LAMB3: variants seen among roughly 807,000 people sequenced by gnomAD.
LAMB3 encodes laminin subunit beta 3, also known as laminin subunit beta-3.
Under a neutral mutation model 140.3 loss-of-function variants are expected in LAMB3, and 104 were observed. That is an observed-to-expected ratio of 0.74 (90% CI 0.63 to 0.87). The LOEUF (loss-of-function observed/expected upper bound fraction) is 0.87. Among genes scored for constraint, LAMB3 ranks in the 40% least tolerant of loss-of-function variants. The probability of loss-of-function intolerance (pLI) is 0.00; values close to 1 mark genes in which losing one functional copy is unlikely to be tolerated. For missense variants in LAMB3, 1,531 were observed against 1,575.2 expected (o/e 0.97, Z 0.47); for synonymous variants, 592 against 602.9 (o/e 0.98, Z 0.26).
Position 209,637,943 on chromosome 1 carries a change from T to C in LAMB3, c.337A>G (p.Arg113Gly), listed in dbSNP as rs371231587. The change falls in exon 5 of 23, where the codon AGA becomes GGA. Residue 113 changes from arginine (R) to glycine (G), a missense_variant. Arg to Gly is a moderately radical substitution (Grantham distance 125). Coordinates refer to ENST00000356082, the MANE Select transcript of LAMB3 (RefSeq NM_000228.3). ...PVSLQLDLDR[R>G]FQLQEVMMEF... ...ATCATGACTTCTTGAAGCTGGAATC[T>C]CCTGTCCAGGTCCAGCTGCAGAGAG... is the stretch of plus-strand genomic sequence containing the variant. The C allele has an allele frequency of 6.2e-7, 1 of 1,613,416 alleles. No homozygotes were observed. The highest frequency in any genetic ancestry group is 1.1e-5 in the South Asian group (1 of 90,916).
Position 209,629,784 on chromosome 1 carries a change from T to C in LAMB3, c.1085A>G (p.Tyr362Cys), listed in dbSNP as rs765669683. The change falls in exon 10 of 23, where the codon TAT (tyrosine) becomes TGT (cysteine). Residue 362 changes from tyrosine (Y) to cysteine (C), a missense_variant. By Grantham distance (194) the Tyr-to-Cys change is radical (BLOSUM62 -2). Coordinates refer to ENST00000356082, the MANE Select transcript of LAMB3 (RefSeq NM_000228.3). ...GKNCERCQLH[Y>C]FRNRRPGASI... ...AGCTCCCGGGCGCCGGTTCCGGAAA[T>C]AGTGCAGCTGACACCGCTCACAGTT... 6.2e-7 allele frequency: 1 copy of C among 1,613,948 alleles called. No individual in the cohort carries two copies.
chr1:209,630,691 A>G lies in LAMB3; in HGVS notation c.867T>C (p.Asn289=), dbSNP rs115579649. Residue 289 remains asparagine (N), a synonymous_variant, in exon 9 of 23, where the codon AAT becomes AAC. Transcript: ENST00000356082. ...TGTAGAAGGGTGCACAGCGCTCACA[A>G]TTTGGGCCGGCAGTGTTGTGCTGGC... is the stretch of plus-strand genomic sequence containing the variant. The part of the protein sequence containing the change: ...CVCQHNTAGP[N]CERCAPFYNN... The G allele has an allele frequency of 4.3e-4, 696 of 1,613,902 alleles. 1 individual carries two copies. The African/African-American group carries it at 8.7e-3, about 20-fold the overall frequency.
At chr1:209,644,965 A>G (rs1302019214) in intron 3 of LAMB3, among the ~76,000 whole-genome samples, 3 of 152,234 alleles carry the variant, frequency 2.0e-5, no homozygotes, top group Non-Finnish European at 4.4e-5. Context: ...CCCAGAAGCA[A>G]TGGAGTGAGA....
At position 209,623,192 on chromosome 1, in the gene LAMB3, GGC is replaced by G. The variant is rs1218357065; in HGVS notation, c.2359-15_2359-14del. 2 of 1,614,016 alleles carry G rather than the reference GGC, an allele frequency of 1.2e-6. No individual in the cohort carries two copies. Among genetic ancestry groups the G allele is most frequent in the South Asian group, 1.1e-5 (1 of 91,068 alleles). Reference sequence around the variant, plus strand: ...AGTTGCCACAGAGCTGTGGACAGATGGCGGTGTTAAAGAGGCTACCCAAAGCC... The same window carrying G: ...AGTTGCCACAGAGCTGTGGACAGATGGGTGTTAAAGAGGCTACCCAAAGCC... On this transcript the variant is annotated splice_polypyrimidine_tract_variant and intron_variant, in intron 16 of 22. Coordinates refer to ENST00000356082, the MANE Select transcript of LAMB3 (RefSeq NM_000228.3). The surrounding 1 kb of genome is among the most constrained non-coding windows in gnomAD (Gnocchi z 4.2).
intron 22 of LAMB3, among the ~76,000 whole-genome samples, chr1:209,615,683 T>C (rs1314685799): frequency 6.6e-6 from 1 of 152,208 alleles, no homozygotes; most frequent in Admixed American, 6.5e-5. Flanking sequence ...TGTCCAAGGC[T>C]AATGAAGGAG....
chr1:209,639,909 T>C (rs1205187231), intron 3 of LAMB3, among the ~76,000 whole-genome samples: 1 of 152,196 alleles, frequency 6.6e-6, no homozygotes, highest in African/African-American at 2.4e-5. Flanking sequence ...TGCTTTCCTC[T>C]AAGCCTCCAC....
At position 209,617,606 on chromosome 1, in the gene LAMB3, T is replaced by G. The variant is rs1366163644; in HGVS notation, c.3052-20A>C. On this transcript the variant is annotated intron_variant, in intron 20 of 22. Transcript: ENST00000356082. The stretch of plus-strand genomic sequence containing the variant: ...CTGAACCTTTGTGGAAAGAGGGAGA[T>G]CTGGCCTTTGTGGTGGGTCTCATAG... The G allele has an allele frequency of 6.2e-7, 1 of 1,613,026 alleles. No homozygotes were observed. The highest frequency in any genetic ancestry group is 1.3e-5 in the African/African-American group (1 of 74,902).
At chr1:209,641,027 G>A (rs2076464149) in intron 3 of LAMB3, among the ~76,000 whole-genome samples, 2 of 147,748 alleles carry the variant, frequency 1.4e-5, no homozygotes, top group Non-Finnish European at 3.0e-5. Flanking sequence ...AGCTTGCAGT[G>A]AGCTGAGACC....
At chr1:209,628,632 G>T (rs1666563309) in intron 10 of LAMB3, among the ~76,000 whole-genome samples, 1 of 149,606 alleles carries the variant, frequency 6.7e-6, no homozygotes, top group African/African-American at 2.5e-5. Flanking sequence ...GGAGGCGGAG[G>T]TTGCAGTAAG....
chr1:209,637,764 A>T (rs1251618052), intron 5 of LAMB3, 144 bp downstream of exon 5: 9 of 720,202 alleles, frequency 1.2e-5, no homozygotes, highest in Non-Finnish European at 2.2e-5. Context: ...CCCAGGAGCG[A>T]GTCCTCTTCT....
rs374184515 is a variant in LAMB3 at position 209,617,397 on chromosome 1, G to A, written c.3228+13C>T. 3.2e-5 allele frequency: 51 copies of A among 1,611,606 alleles called. No individual in the cohort carries two copies. Among genetic ancestry groups the A allele is most frequent in the African/African-American group, 1.1e-4 (8 of 74,838 alleles). On this transcript the variant is annotated intron_variant, in intron 21 of 22. Coordinates refer to ENST00000356082, the MANE Select transcript of LAMB3 (RefSeq NM_000228.3). ...GGCCGTACATCATTGAGCTAACTCC[G>A]CCTTCTCTGTACCTCTTGGGCACTC... is the stretch of plus-strand genomic sequence containing the variant.
Position 209,623,601 on chromosome 1 carries a change from C to T in LAMB3, c.2262G>A (p.Arg754=), listed in dbSNP as rs1666294699. The change falls in exon 16 of 23, where the codon CGG becomes CGA. Residue 754 remains arginine (R), a synonymous_variant. Coordinates refer to ENST00000356082, the MANE Select transcript of LAMB3 (RefSeq NM_000228.3). This position sits in a 1 kb window ranked among gnomAD's most constrained non-coding sequence, Gnocchi z 4.2. ...CGGTGCCTCCTCCTCCTCCCGCCTG[C>T]CGCACCAGCCTCTCTGCCTCTCTCC... The part of the protein sequence containing the change: ...DSRREAERLV[R]QAGGGGGTGS... The T allele has an allele frequency of 1.4e-5, 22 of 1,614,096 alleles. No homozygotes were observed. Among genetic ancestry groups the T allele is most frequent in the Non-Finnish European group, 1.9e-5 (22 of 1,180,022 alleles).
intron 13 of LAMB3, 32 bp downstream of exon 13, chr1:209,626,835 G>A: frequency 6.4e-7 from 1 of 1,557,710 alleles, no homozygotes; most frequent in South Asian, 1.1e-5. Flanking sequence ...GGCCCCCAGA[G>A]CCTCAGCGTC....
At position 209,623,074 on chromosome 1, in the gene LAMB3, G is replaced by A. The variant is rs779963397; in HGVS notation, c.2464C>T (p.Leu822Phe). ...TACGSRCRGV[L>F]PRAGGAFLMA... is the part of the protein sequence containing the mutation. Reference sequence around the variant, plus strand: ...AAGAAGGCCCCACCGGCCCTGGGAAGGACACCCCTGCAGCGGGAGCCACAG... The same window carrying A: ...AAGAAGGCCCCACCGGCCCTGGGAAAGACACCCCTGCAGCGGGAGCCACAG... The change falls in exon 17 of 23, where the codon CTT becomes TTT. Residue 822 changes from leucine to phenylalanine, a missense_variant. Physicochemically the swap from Leu to Phe is conservative, Grantham distance 22 (BLOSUM62 0). Coordinates refer to ENST00000356082, the MANE Select transcript of LAMB3 (RefSeq NM_000228.3). This position sits in a 1 kb window ranked among gnomAD's most constrained non-coding sequence, Gnocchi z 4.2. The A allele has an allele frequency of 1.2e-6, 2 of 1,614,190 alleles. No individual in the cohort carries two copies. Among genetic ancestry groups the A allele is most frequent in the Non-Finnish European group, 1.7e-6 (2 of 1,180,030 alleles).
intron 10 of LAMB3, among the ~76,000 whole-genome samples, chr1:209,628,789 T>G (rs1425675866): frequency 3.3e-5 from 5 of 152,184 alleles, no homozygotes; most frequent in African/African-American, 1.2e-4. Context: ...AGAAGCGGTT[T>G]TGTTGTCATT....
intron 22 of LAMB3, among the ~76,000 whole-genome samples, chr1:209,615,715 A>G (rs1170355729): frequency 6.6e-6 from 1 of 152,174 alleles, no homozygotes; most frequent in African/African-American, 2.4e-5. Context: ...CCATCATCAT[A>G]TCTTAGCGAT....
intron 11 of LAMB3, 33 bp from the exon 12 acceptor site, chr1:209,627,612 C>T (rs767467672): frequency 2.6e-5 from 42 of 1,606,984 alleles, no homozygotes; most frequent in Non-Finnish European, 3.2e-5. Context: ...CTCAGGCAGA[C>T]GCTCCATGAA....
At chr1:209,616,774 C>A in intron 21 of LAMB3, 150 bp from the exon 22 acceptor site, 1 of 763,196 alleles carries the variant, frequency 1.3e-6, no homozygotes, top group Non-Finnish European at 2.3e-6. Flanking sequence ...CTATTGAAAC[C>A]CCTGAGCCAC....
At chr1:209,624,872 AAGAG>A (rs1318081648) in intron 14 of LAMB3, among the ~76,000 whole-genome samples, 15 of 140,210 alleles carry the variant, frequency 1.1e-4, no homozygotes, top group African/African-American at 2.9e-4. Context: ...AAGAGAAAGA[AAGAG>A]AGAGAGGAAG....
Sources: allele counts gnomAD v4.1 joint callset (sites outside exome capture counted in the v4.1 genomes callset), GRCh38; gene constraint gnomAD v4.1.1; non-coding constraint Gnocchi (gnomAD v3.1); transcripts MANE v1.5; gene names NCBI Gene and HGNC (gene_info 2026-07-23, HGNC 2026-07-21).